ONECUT2: variants seen among roughly 807,000 people sequenced by gnomAD.
ONECUT2 encodes the protein one cut homeobox 2.
ONECUT2 carries 10 observed loss-of-function variants against 27.9 expected under a neutral mutation model. The ratio of observed to expected loss-of-function variants is 0.36; its 90% CI spans 0.22 to 0.61. ONECUT2 has a LOEUF of 0.61. Ranked by LOEUF, ONECUT2 falls within the 20% of genes least tolerant of loss-of-function variation. ONECUT2 has a pLI of 0.73. For missense variants in ONECUT2, 686 were observed against 721.0 expected (o/e 0.95, Z 0.56); for synonymous variants, 334 against 315.1 (o/e 1.06, Z -0.64).
rs1478543470 is a variant in ONECUT2 at position 57,486,483 on chromosome 18, T to C, written c.*9760T>C. 6.6e-6 allele frequency: 1 copy of C among 152,632 alleles called. No homozygotes were observed. Among genetic ancestry groups the C allele is most frequent in the Non-Finnish European group, 1.5e-5 (1 of 68,046 alleles). The allele number at this position is 152,632 out of a possible 1,614,324, so 9.5% of individuals were successfully genotyped here. On this transcript the variant is annotated 3_prime_UTR_variant, in exon 2 of 2. Coordinates refer to ENST00000491143, the MANE Select transcript of ONECUT2 (RefSeq NM_004852.3). ...ACTATGAACCTGGGCATGTTGGCAA[T>C]GCAGACCGCGCAATTCCTTACCGAA... is the stretch of plus-strand genomic sequence containing the variant.
At position 57,490,112 on chromosome 18, in the gene ONECUT2, G is replaced by A. The variant is rs1448443998; in HGVS notation, c.*13389G>A. On this transcript the variant is annotated 3_prime_UTR_variant, in exon 2 of 2. Transcript: ENST00000491143. ...CTCAAAAGTGTTCTCCTGGACCAGA[G>A]GGAAAGAGCTGGTCCATTTTTTTTC... The A allele has an allele frequency of 2.0e-5, 3 of 152,278 alleles. No homozygotes were observed. Among genetic ancestry groups the A allele is most frequent in the East Asian group, 3.9e-4 (2 of 5,184 alleles). 9.4% of individuals were successfully genotyped at this position (152,278 alleles called of 1,614,324 possible).
rs1482854723 is a variant in ONECUT2 at position 57,484,924 on chromosome 18, C to T, written c.*8201C>T. On this transcript the variant is annotated 3_prime_UTR_variant, in exon 2 of 2. Transcript: ENST00000491143. Reference sequence around the variant, plus strand: ...GCAGGGACTGGGGTTTATCTCTTAACATTTTCAGCTGTAAAATTAGTCACA... The same window carrying T: ...GCAGGGACTGGGGTTTATCTCTTAATATTTTCAGCTGTAAAATTAGTCACA... 1 of 152,128 alleles carries T rather than the reference C, an allele frequency of 6.6e-6. No individual in the cohort carries two copies. The highest frequency in any genetic ancestry group is 1.5e-5 in the Non-Finnish European group (1 of 68,026). 9.4% of individuals were successfully genotyped at this position (152,128 alleles called of 1,614,324 possible). A position where few individuals can be genotyped will look rare whatever the true frequency, so the allele number is the denominator to read the frequency against.
chr18:57,436,966 G>A lies in ONECUT2; in HGVS notation c.1228+22G>A, dbSNP rs757693038. The A allele has an allele frequency of 1.2e-5, 19 of 1,555,516 alleles. No homozygotes were observed. Among genetic ancestry groups the A allele is most frequent in the Non-Finnish European group, 1.7e-5 (19 of 1,150,408 alleles). On this transcript the variant is annotated intron_variant, in intron 1 of 1. Transcript: ENST00000491143. This position sits in a 1 kb window ranked among gnomAD's most constrained non-coding sequence, Gnocchi z 5.9. ...GCAGGTAAGGCCGGGGCTAGCCAGGGGCCAGGCTGCTGGGAAGAGGGCTCC... is the reference window on the plus strand; with the variant it reads ...GCAGGTAAGGCCGGGGCTAGCCAGGAGCCAGGCTGCTGGGAAGAGGGCTCC...
chr18:57,463,148 G>T (rs1478337563), intron 1 of ONECUT2, among the ~76,000 whole-genome samples: 1 of 152,166 alleles, frequency 6.6e-6, no homozygotes, highest in African/African-American at 2.4e-5. Flanking sequence ...ATTACATTGT[G>T]ACACAATGCC....
chr18:57,460,443 C>A (rs1313488104), intron 1 of ONECUT2, among the ~76,000 whole-genome samples: 1 of 152,028 alleles, frequency 6.6e-6, no homozygotes, highest in African/African-American at 2.4e-5. Context: ...TTCTGCACTC[C>A]ATTCTGTTCC....
At chr18:57,451,628 C>G (rs371886293) in intron 1 of ONECUT2, among the ~76,000 whole-genome samples, 1 of 152,214 alleles carries the variant, frequency 6.6e-6, no homozygotes, top group African/African-American at 2.4e-5. Context: ...TTCTCCATCC[C>G]GAGCCTTAGA....
intron 1 of ONECUT2, among the ~76,000 whole-genome samples, chr18:57,464,683 G>A (rs1386738289): frequency 1.3e-5 from 2 of 152,132 alleles, no homozygotes; most frequent in African/African-American, 4.8e-5. Flanking sequence ...AGATTTGGTT[G>A]TGAATGGAGA....
chr18:57,450,706 C>G (rs1056412178), intron 1 of ONECUT2, among the ~76,000 whole-genome samples: 5 of 152,154 alleles, frequency 3.3e-5, no homozygotes, highest in African/African-American at 1.2e-4. Flanking sequence ...ATCAGAGGGA[C>G]TGCTTTCCTA....
rs925909219 is a variant in ONECUT2 at position 57,479,710 on chromosome 18, G to A, written c.*2987G>A. ...CATCCAACAGACTCGGCCCAGAACT[G>A]GGTCCTGACAGTGGGGTGCTCATCT... is the stretch of plus-strand genomic sequence containing the variant. On this transcript the variant is annotated 3_prime_UTR_variant, in exon 2 of 2. Coordinates refer to ENST00000491143, the MANE Select transcript of ONECUT2 (RefSeq NM_004852.3). 2.0e-5 allele frequency: 3 copies of A among 152,550 alleles called. No individual in the cohort carries two copies. The highest frequency in any genetic ancestry group is 4.4e-5 in the Non-Finnish European group (3 of 68,048). The allele number at this position is 152,550 out of a possible 1,614,324, so 9.4% of individuals were successfully genotyped here.
intron 1 of ONECUT2, among the ~76,000 whole-genome samples, chr18:57,438,856 C>T (rs1361513129): frequency 2.0e-5 from 3 of 152,126 alleles, no homozygotes; most frequent in African/African-American, 7.2e-5. Flanking sequence ...ATAATAATAG[C>T]GGCGGGAAAT....
At position 57,487,337 on chromosome 18, in the gene ONECUT2, C is replaced by A. The variant is rs894750369; in HGVS notation, c.*10614C>A. ...TTGAAAGCGAGTATTGAAAAACTCACCTTTGCATATTTAATTTCCACCAAA... is the reference window on the plus strand; with the variant it reads ...TTGAAAGCGAGTATTGAAAAACTCAACTTTGCATATTTAATTTCCACCAAA... On this transcript the variant is annotated 3_prime_UTR_variant, in exon 2 of 2. Coordinates refer to ENST00000491143, the MANE Select transcript of ONECUT2 (RefSeq NM_004852.3). 4.6e-5 allele frequency: 7 copies of A among 152,126 alleles called. No individual in the cohort carries two copies. 9.4% of individuals were successfully genotyped at this position (152,126 alleles called of 1,614,324 possible). A position where few individuals can be genotyped will look rare whatever the true frequency, so the allele number is the denominator to read the frequency against.
At chr18:57,449,510 A>G (rs1245658990) in intron 1 of ONECUT2, among the ~76,000 whole-genome samples, 1 of 152,208 alleles carries the variant, frequency 6.6e-6, no homozygotes, top group African/African-American at 2.4e-5. Context: ...ATAACTATGT[A>G]TTAATTTTAA....
chr18:57,435,700 G>A lies in ONECUT2; in HGVS notation c.-17G>A. 1.9e-6 allele frequency: 1 copy of A among 524,088 alleles called. No homozygotes were observed. The highest frequency in any genetic ancestry group is 4.0e-5 in the South Asian group (1 of 25,200). 32.5% of individuals were successfully genotyped at this position (524,088 alleles called of 1,614,324 possible). A position where few individuals can be genotyped will look rare whatever the true frequency, so the allele number is the denominator to read the frequency against. ...CGCCCCCGCCGCCCCCGCCGCCCCCGGGCCCTGATGGACTGAATGAAGGCT... is the reference window on the plus strand; with the variant it reads ...CGCCCCCGCCGCCCCCGCCGCCCCCAGGCCCTGATGGACTGAATGAAGGCT... On this transcript the variant is annotated 5_prime_UTR_variant, in exon 1 of 2. Transcript: ENST00000491143.
At position 57,486,992 on chromosome 18, in the gene ONECUT2, A is replaced by G. The variant is rs1170865687; in HGVS notation, c.*10269A>G. ...ATAGCAACATTTTTCATTTTGAACTAGATCTTCCCCTTTGGTTCAATGGAC... is the reference window on the plus strand; with the variant it reads ...ATAGCAACATTTTTCATTTTGAACTGGATCTTCCCCTTTGGTTCAATGGAC... On this transcript the variant is annotated 3_prime_UTR_variant, in exon 2 of 2. Coordinates refer to ENST00000491143, the MANE Select transcript of ONECUT2 (RefSeq NM_004852.3). 6.6e-6 allele frequency: 1 copy of G among 152,636 alleles called. No homozygotes were observed. Among genetic ancestry groups the G allele is most frequent in the Non-Finnish European group, 1.5e-5 (1 of 68,040 alleles). The allele number at this position is 152,636 out of a possible 1,614,324, so 9.5% of individuals were successfully genotyped here. A position where few individuals can be genotyped will look rare whatever the true frequency, so the allele number is the denominator to read the frequency against.
At chr18:57,441,276 A>G (rs1011151832) in intron 1 of ONECUT2, among the ~76,000 whole-genome samples, 2 of 152,276 alleles carry the variant, frequency 1.3e-5, no homozygotes, top group Non-Finnish European at 2.9e-5. Context: ...GTGTGGACCC[A>G]GATTTCATTG....
intron 1 of ONECUT2, among the ~76,000 whole-genome samples, chr18:57,466,207 G>A (rs2050320583): frequency 6.6e-6 from 1 of 152,208 alleles, no homozygotes; most frequent in African/African-American, 2.4e-5. Flanking sequence ...CACCTACCAA[G>A]TAGATGGATG....
At position 57,490,004 on chromosome 18, in the gene ONECUT2, T is replaced by C. The variant is rs2050457170; in HGVS notation, c.*13281T>C. On this transcript the variant is annotated 3_prime_UTR_variant, in exon 2 of 2. Transcript: ENST00000491143. ...CAGTTCAGTCTTTTCTCCCCAAGTC[T>C]AGGATGCCAAAGAGCATCATAGGAA... is the stretch of plus-strand genomic sequence containing the variant. 6.6e-6 allele frequency: 1 copy of C among 152,230 alleles called. No homozygotes were observed. The highest frequency in any genetic ancestry group is 1.5e-5 in the Non-Finnish European group (1 of 68,038). 9.4% of individuals were successfully genotyped at this position (152,230 alleles called of 1,614,324 possible).
At chr18:57,469,933 G>C (rs2050344203) in intron 1 of ONECUT2, among the ~76,000 whole-genome samples, 1 of 152,180 alleles carries the variant, frequency 6.6e-6, no homozygotes, top group African/African-American at 2.4e-5. Context: ...CAGGGTCTTG[G>C]CTTCCATCTG....
rs2050457111 is a variant in ONECUT2 at position 57,489,986 on chromosome 18, G to A, written c.*13263G>A. ...CCTTTCTCAATCCAAGAGCAGTTCA[G>A]TCTTTTCTCCCCAAGTCTAGGATGC... On this transcript the variant is annotated 3_prime_UTR_variant, in exon 2 of 2. Coordinates refer to ENST00000491143, the MANE Select transcript of ONECUT2 (RefSeq NM_004852.3). 2 of 152,192 alleles carry A rather than the reference G, an allele frequency of 1.3e-5. No homozygotes were observed. Among genetic ancestry groups the A allele is most frequent in the African/African-American group, 2.4e-5 (1 of 41,446 alleles). 9.4% of individuals were successfully genotyped at this position (152,192 alleles called of 1,614,324 possible). A position where few individuals can be genotyped will look rare whatever the true frequency, so the allele number is the denominator to read the frequency against.
Sources: gnomAD v4.1 joint callset for allele counts (sites outside exome capture counted in the v4.1 genomes callset) on GRCh38, gnomAD v4.1.1 for gene constraint, Gnocchi (gnomAD v3.1) non-coding constraint, MANE v1.5 for transcripts, NCBI Gene and HGNC (gene_info 2026-07-23, HGNC 2026-07-21) for gene names.